Variants in HS3ST5 observed in about 807,000 individuals in gnomAD.
HS3ST5 encodes the protein heparan sulfate glucosamine 3-O-sulfotransferase 5.
A neutral mutation model predicts 25.4 loss-of-function variants in HS3ST5; 10 were observed. The ratio of observed to expected loss-of-function variants is 0.39; its 90% CI spans 0.24 to 0.67. HS3ST5 has a LOEUF of 0.67. Among genes scored for constraint, HS3ST5 ranks in the 30% least tolerant of loss-of-function variants. The pLI is 0.44. For missense variants in HS3ST5, 324 were observed against 420.7 expected (o/e 0.77, Z 2.01); for synonymous variants, 170 against 162.4 (o/e 1.05, Z -0.36).
At chr6:114,299,615 C>T (rs1026798124) in intron 1 of HS3ST5, among the ~76,000 whole-genome samples, 1 of 152,100 alleles carries the variant, frequency 6.6e-6, no homozygotes, top group African/African-American at 2.4e-5. Flanking sequence ...TATTTCTCAA[C>T]CCGGCTGACA....
chr6:114,203,367 T>C (rs914591392), intron 2 of HS3ST5, among the ~76,000 whole-genome samples: 1 of 152,176 alleles, frequency 6.6e-6, no homozygotes, highest in Non-Finnish European at 1.5e-5. Context: ...GCTTGGAGAC[T>C]GAACCGCCTT....
chr6:114,084,572 G>A (rs1774681142), intron 3 of HS3ST5: 1 of 765,116 alleles, frequency 1.3e-6, no homozygotes, highest in South Asian at 1.3e-5. Context: ...TTGTTGCACG[G>A]GATGGCAAAG....
chr6:114,197,963 G>C (rs1033983175), intron 2 of HS3ST5, among the ~76,000 whole-genome samples: 3 of 152,046 alleles, frequency 2.0e-5, no homozygotes, highest in African/African-American at 7.2e-5. Context: ...TGAGTTGATG[G>C]ACATGGAATT....
chr6:114,087,091 G>A (rs1774880325), intron 3 of HS3ST5, among the ~76,000 whole-genome samples: 1 of 152,068 alleles, frequency 6.6e-6, no homozygotes, highest in South Asian at 2.1e-4. Context: ...TTTCCTTGAT[G>A]AGGCTCTAGG....
At chr6:114,314,094 A>G (rs1775653688) in intron 1 of HS3ST5, among the ~76,000 whole-genome samples, 1 of 151,910 alleles carries the variant, frequency 6.6e-6, no homozygotes, top group Non-Finnish European at 1.5e-5. Flanking sequence ...CCTGGCTAAT[A>G]TTTTGTATTT....
chr6:114,057,273 G>A lies in HS3ST5; in HGVS notation c.1025C>T (p.Thr342Ile). The A allele has an allele frequency of 6.2e-7, 1 of 1,612,368 alleles. No individual in the cohort carries two copies. Among genetic ancestry groups the A allele is most frequent in the Non-Finnish European group, 8.5e-7 (1 of 1,178,720 alleles). The change falls in exon 5 of 5, where the codon ACA becomes ATA. Residue 342 changes from threonine (T) to isoleucine (I), a missense_variant. This residue lies in a region of HS3ST5 where 203 missense variants were observed against 303.4 expected (regional missense o/e 0.67). Coordinates refer to ENST00000312719, the MANE Select transcript of HS3ST5 (RefSeq NM_153612.4). Reference protein sequence around the residue: ...NQKFYQITGRTLNWP With the variant: ...NQKFYQITGRILNWP ...CATATTATTTTAGGGCCAGTTCAAT[G>A]TCCTCCCAGTGATCTGGTAAAATTT...
At chr6:114,296,250 C>A (rs1372976080) in intron 1 of HS3ST5, among the ~76,000 whole-genome samples, 1 of 152,006 alleles carries the variant, frequency 6.6e-6, no homozygotes, top group Non-Finnish European at 1.5e-5. Flanking sequence ...TAATAAGCAG[C>A]AATATTTATA....
intron 3 of HS3ST5, among the ~76,000 whole-genome samples, chr6:114,119,778 C>A (rs551991325): frequency 1.3e-5 from 2 of 152,124 alleles, no homozygotes; most frequent in Non-Finnish European, 2.9e-5. Context: ...AAATGTTTAT[C>A]GAGTAACTAC....
chr6:114,131,279 TAAGTAGATC>T (rs1230762221), intron 3 of HS3ST5: 1 of 152,214 alleles, frequency 6.6e-6, no homozygotes, highest in Non-Finnish European at 1.5e-5. Context: ...AAGTGAAATT[TAAGTAGATC>T]ATATTTCAGG....
intron 3 of HS3ST5, among the ~76,000 whole-genome samples, chr6:114,107,361 A>C (rs767140714): frequency 3.3e-5 from 5 of 152,222 alleles, no homozygotes; most frequent in Non-Finnish European, 7.4e-5. Flanking sequence ...GAAAACTCTC[A>C]GCAAATGAGA....
intron 1 of HS3ST5, among the ~76,000 whole-genome samples, chr6:114,271,882 G>C (rs1050276821): frequency 6.6e-6 from 1 of 151,908 alleles, no homozygotes; most frequent in Non-Finnish European, 1.5e-5. Flanking sequence ...CAGGAGGACC[G>C]TGGCCCACTA....
intron 3 of HS3ST5, among the ~76,000 whole-genome samples, chr6:114,089,806 T>G (rs1289673384): frequency 6.6e-6 from 1 of 152,262 alleles, no homozygotes; most frequent in Non-Finnish European, 1.5e-5. Context: ...GGCAATCTCA[T>G]GATCTCAGTC....
chr6:114,163,871 G>A (rs1414827398), intron 3 of HS3ST5, among the ~76,000 whole-genome samples: 1 of 152,030 alleles, frequency 6.6e-6, no homozygotes, highest in African/African-American at 2.4e-5. Flanking sequence ...AAAAGATCTG[G>A]GTTTGAATTG....
At chr6:114,127,285 A>G (rs1777089229) in intron 3 of HS3ST5, among the ~76,000 whole-genome samples, 1 of 152,146 alleles carries the variant, frequency 6.6e-6, no homozygotes, top group Admixed American at 6.6e-5. Context: ...TTAATTACCA[A>G]TTTCTTAGGA....
chr6:114,293,041 G>GTT (rs1353216278), intron 1 of HS3ST5, among the ~76,000 whole-genome samples: 4 of 151,956 alleles, frequency 2.6e-5, no homozygotes, highest in Non-Finnish European at 4.4e-5. Context: ...ATAATACAGT[G>GTT]TAAGAAGTGC....
At chr6:114,158,217 A>C (rs1254521261) in intron 3 of HS3ST5, among the ~76,000 whole-genome samples, 1 of 152,214 alleles carries the variant, frequency 6.6e-6, no homozygotes, top group Admixed American at 6.5e-5. Flanking sequence ...TACATAGTGC[A>C]TAGCATGTAG....
At position 114,058,063 on chromosome 6, in the gene HS3ST5, C is replaced by T; in HGVS notation, c.235G>A (p.Glu79Lys). The change falls in exon 5 of 5, where the codon GAG becomes AAG. Residue 79 changes from glutamate to lysine, a missense_variant. By Grantham distance (56) the Glu-to-Lys change is moderately conservative (BLOSUM62 1). Around this residue, in one of 2 missense-constraint regions of HS3ST5, gnomAD observed 121 missense variants for 117.3 expected, o/e 1.03. Coordinates refer to ENST00000312719, the MANE Select transcript of HS3ST5 (RefSeq NM_153612.4). ...ACCAGGTCATGGAGGCGAACCTGCTCCTTGGAAGCGTTGCCCTTCCGGAAC... is the reference window on the plus strand; with the variant it reads ...ACCAGGTCATGGAGGCGAACCTGCTTCTTGGAAGCGTTGCCCTTCCGGAAC... ...HEFRKGNASK[E>K]QVRLHDLVQQ... is the part of the protein sequence containing the mutation. The T allele has an allele frequency of 1.9e-6, 3 of 1,614,176 alleles. No individual in the cohort carries two copies. Among genetic ancestry groups the T allele is most frequent in the Non-Finnish European group, 2.5e-6 (3 of 1,180,034 alleles).
intron 1 of HS3ST5, among the ~76,000 whole-genome samples, chr6:114,233,857 C>T (rs994199091): frequency 3.0e-4 from 45 of 152,148 alleles, no homozygotes; most frequent in African/African-American, 9.2e-4. Flanking sequence ...ATTTTATATA[C>T]TAATATCATT....
At chr6:114,202,875 C>A (rs1173187696) in intron 2 of HS3ST5, among the ~76,000 whole-genome samples, 2 of 152,142 alleles carry the variant, frequency 1.3e-5, no homozygotes, top group Non-Finnish European at 2.9e-5. Flanking sequence ...AAACTGAAGT[C>A]ATAATTCCCT....
Sources: gnomAD v4.1 joint callset for allele counts (sites outside exome capture counted in the v4.1 genomes callset) on GRCh38, gnomAD v4.1.1 for gene constraint, gnomAD v4.1.1 regional missense constraint, MANE v1.5 for transcripts, NCBI Gene and HGNC (gene_info 2026-07-23, HGNC 2026-07-21) for gene names.